Variants in CTNNB1 observed in about 807,000 individuals in gnomAD.
CTNNB1 encodes catenin beta-1.
In CTNNB1, 6 loss-of-function variants were observed where a neutral mutation model predicts 82.5. The observed-to-expected ratio is 0.07, with a 90% CI of 0.04 to 0.14. The LOEUF (loss-of-function observed/expected upper bound fraction) is 0.14, where lower values mean the gene tolerates loss of function less well. Among genes scored for constraint, CTNNB1 ranks in the 10% least tolerant of loss-of-function variants. The pLI, the probability that CTNNB1 is intolerant of heterozygous loss-of-function variation, is 1.00. For synonymous variants in CTNNB1, 312 were observed against 329.7 expected (o/e 0.95, Z 0.58); for missense variants, 529 against 980.4 (o/e 0.54, Z 6.15).
rs142479296 is a variant in CTNNB1, at chr3:41,206,424, C to CAT, written c.-49+6762_-49+6763dup. Among the ~76,000 whole-genome samples, 1,154 of 152,034 alleles carry CAT rather than the reference C, an allele frequency of 7.6e-3. 22 individuals carry two copies. The highest frequency in any genetic ancestry group is 0.026 in the African/African-American group (1,090 of 41,450). ...AAATAGATATATGCATATATATGTG[C>CAT]ATATATATAGCATACCTTATTGGAT... is the stretch of plus-strand genomic sequence containing the variant. On this transcript the variant is annotated intron_variant, in intron 1 of 14. Transcript: ENST00000349496.
At chr3:41,222,820 T>G (rs998098555) in intron 1 of CTNNB1, among the ~76,000 whole-genome samples, 1 of 152,198 alleles carries the variant, frequency 6.6e-6, no homozygotes, top group Non-Finnish European at 1.5e-5. Flanking sequence ...AGAAGCTCAG[T>G]GTAGAACATG....
At chr3:41,206,734 A>C (rs187878486) in intron 1 of CTNNB1, among the ~76,000 whole-genome samples, 7 of 152,108 alleles carry the variant, frequency 4.6e-5, no homozygotes, top group Non-Finnish European at 8.8e-5. Flanking sequence ...TGCCACATGT[A>C]TAAGGGAGGA....
At chr3:41,226,491 G>T (rs139415236) in intron 6 of CTNNB1, among the ~76,000 whole-genome samples, 1 of 152,332 alleles carries the variant, frequency 6.6e-6, no homozygotes, top group Non-Finnish European at 1.5e-5. Flanking sequence ...TTCACTAGGT[G>T]AAGGTTAGGT....
In CTNNB1 at chr3:41,239,380, G is replaced by T; in HGVS notation, c.*38G>T. ...GTAAGAAGTTTTAAAAAGCCAGTTTGGGTAAAATACTTTTACTCTGCCTAC... is the reference window on the plus strand; with the variant it reads ...GTAAGAAGTTTTAAAAAGCCAGTTTTGGTAAAATACTTTTACTCTGCCTAC... On this transcript the variant is annotated 3_prime_UTR_variant, in exon 15 of 15. Transcript: ENST00000349496. 1.3e-6 allele frequency: 2 copies of T among 1,574,220 alleles called. No homozygotes were observed. The highest frequency in any genetic ancestry group is 8.7e-7 in the Non-Finnish European group (1 of 1,150,876).
At chr3:41,210,724 T>TA (rs1319955071) in intron 1 of CTNNB1, among the ~76,000 whole-genome samples, 2 of 152,126 alleles carry the variant, frequency 1.3e-5, no homozygotes, top group East Asian at 3.9e-4. Context: ...AAAAGTATAG[T>TA]AAGTACATAA....
At position 41,233,682 on chromosome 3, in the gene CTNNB1, C is replaced by T. The variant is rs769363745; in HGVS notation, c.1339C>T (p.Leu447Phe). The change falls in exon 9 of 15, where the codon CTT (leucine) becomes TTT (phenylalanine). Residue 447 changes from leucine to phenylalanine, a missense_variant. Physicochemically the swap from Leu to Phe is conservative, Grantham distance 22. Around this residue, in one of 4 missense-constraint regions of CTNNB1, gnomAD observed 411 missense variants for 776.4 expected, o/e 0.53. Transcript: ENST00000349496. ...CTGCCAAGTGGGTGGTATAGAGGCT[C>T]TTGTGCGTACTGTCCTTCGGGCTGG... ...MVCQVGGIEA[L>F]VRTVLRAGDR... 3.1e-6 allele frequency: 5 copies of T among 1,613,984 alleles called. No homozygotes were observed. In the Admixed American group the frequency reaches 5.0e-5, roughly 16 times the overall value.
chr3:41,238,273 GC>G (rs2125651117), intron 14 of CTNNB1, 197 bp downstream of exon 14: 1 of 604,506 alleles, frequency 1.7e-6, no homozygotes, highest in South Asian at 1.9e-5. Context: ...ACAATGAGTA[GC>G]AGTAGGATTA....
At chr3:41,204,546 A>G (rs1477791448) in intron 1 of CTNNB1, among the ~76,000 whole-genome samples, 1 of 152,206 alleles carries the variant, frequency 6.6e-6, no homozygotes, top group Non-Finnish European at 1.5e-5. Flanking sequence ...GACCATGCAG[A>G]CTATTAAAAA....
intron 1 of CTNNB1, among the ~76,000 whole-genome samples, chr3:41,217,092 C>G (rs1223053598): frequency 2.0e-5 from 3 of 152,168 alleles, no homozygotes; most frequent in African/African-American, 7.2e-5. Flanking sequence ...TCATCTCTGT[C>G]TCTTCATGGT....
rs757325337 is a variant in CTNNB1, at chr3:41,224,571, C to T, written c.59C>T (p.Ala20Val). 2.5e-6 allele frequency: 4 copies of T among 1,613,702 alleles called. No individual in the cohort carries two copies. Among genetic ancestry groups the T allele is most frequent in the Admixed American group, 1.7e-5 (1 of 59,892 alleles). ...ATGGCCATGGAACCAGACAGAAAAG[C>T]GGCTGTTAGTCACTGGCAGCAACAG... ...LDMAMEPDRKAAVSHWQQQSY... is the reference protein window; with the variant it reads ...LDMAMEPDRKVAVSHWQQQSY... The change falls in exon 3 of 15, where the codon GCG becomes GTG. Residue 20 changes from alanine (A) to valine (V), a missense_variant. By Grantham distance (64) the Ala-to-Val change is moderately conservative. Transcript: ENST00000349496.
At chr3:41,223,370 G>A (rs2078097351) in intron 1 of CTNNB1, among the ~76,000 whole-genome samples, 1 of 151,964 alleles carries the variant, frequency 6.6e-6, no homozygotes, top group Non-Finnish European at 1.5e-5. Flanking sequence ...ATCCATATTG[G>A]TAATATTTGT....
Position 41,225,106 on chromosome 3 carries a change from C to T in CTNNB1, c.394C>T (p.Leu132=), listed in dbSNP as rs775491694. 1.3e-5 allele frequency: 21 copies of T among 1,614,054 alleles called. No homozygotes were observed. The highest frequency in any genetic ancestry group is 1.7e-5 in the Non-Finnish European group (20 of 1,179,980). The change falls in exon 4 of 15, where the codon CTG becomes TTG. Residue 132 remains leucine, a synonymous_variant. Transcript: ENST00000349496. The surrounding 1 kb of genome is among the most constrained non-coding windows in gnomAD (Gnocchi z 5.3). Reference sequence around the variant, plus strand: ...GCGTTTGGCTGAACCATCACAGATGCTGAAACATGCAGTTGTAAACTTGAT... The same window carrying T: ...GCGTTTGGCTGAACCATCACAGATGTTGAAACATGCAGTTGTAAACTTGAT... The part of the protein sequence containing the change: ...VQRLAEPSQM[L]KHAVVNLINY...
At chr3:41,236,768 GTTCTTTCCTCTCAAAACACTTAGTACACA>G (rs1355994594) in intron 13 of CTNNB1, 59 bp downstream of exon 13, 1 of 1,609,156 alleles carries the variant, frequency 6.2e-7, no homozygotes, top group East Asian at 2.2e-5. Context: ...ATGGCAGCTT[GTTCTTTCCTCTCAAAACACTTAGTACACA>G]TTCATTTGCA....
intron 1 of CTNNB1, chr3:41,199,924 C>A (rs1191616086): frequency 2.3e-5 from 2 of 87,886 alleles, no homozygotes; most frequent in African/African-American, 9.0e-5. Context: ...GAGGGGGCGC[C>A]GCGGGGGCGC....
chr3:41,238,123 C>G (rs770519393), intron 14 of CTNNB1, 47 bp downstream of exon 14: 6 of 1,548,822 alleles, frequency 3.9e-6, no homozygotes, highest in South Asian at 1.1e-5. Flanking sequence ...AGCTAAAGTT[C>G]TAAAACTTTT....
At chr3:41,228,106 TTATC>T (rs1201521530) in intron 7 of CTNNB1, among the ~76,000 whole-genome samples, 2 of 152,246 alleles carry the variant, frequency 1.3e-5, no homozygotes, top group East Asian at 1.9e-4. Context: ...CACATTTTCT[TTATC>T]TAGTCTACCA....
In CTNNB1 at chr3:41,239,913, C is replaced by G; in HGVS notation, c.*571C>G. 5.8e-6 allele frequency: 1 copy of G among 171,866 alleles called. No individual in the cohort carries two copies. Among genetic ancestry groups the G allele is most frequent in the Non-Finnish European group, 1.1e-5 (1 of 91,184 alleles). 10.6% of individuals were successfully genotyped at this position (171,866 alleles called of 1,614,324 possible). On this transcript the variant is annotated 3_prime_UTR_variant, in exon 15 of 15. Coordinates refer to ENST00000349496, the MANE Select transcript of CTNNB1 (RefSeq NM_001904.4). ...TGGAATTTATCAAACCCTAGCCTTG[C>G]TTGTTAAATTTTTTTTTTTTTTTTT... is the stretch of plus-strand genomic sequence containing the variant.
intron 1 of CTNNB1, among the ~76,000 whole-genome samples, chr3:41,207,295 T>A (rs949647015): frequency 2.0e-5 from 3 of 152,224 alleles, no homozygotes; most frequent in Admixed American, 6.5e-5. Flanking sequence ...AATTAAAATT[T>A]GATTTTTTAG....
chr3:41,224,783 G>A (rs2125618627), intron 3 of CTNNB1, 30 bp downstream of exon 3: 1 of 1,604,324 alleles, frequency 6.2e-7, no homozygotes, highest in South Asian at 1.1e-5. Context: ...TTGCCTTACT[G>A]AAAGTCAGAA....
Sources: gnomAD v4.1 joint callset for allele counts (sites outside exome capture counted in the v4.1 genomes callset) on GRCh38, gnomAD v4.1.1 for gene constraint, gnomAD v4.1.1 regional missense constraint, Gnocchi (gnomAD v3.1) non-coding constraint, MANE v1.5 for transcripts, NCBI Gene and HGNC (gene_info 2026-07-23, HGNC 2026-07-21) for gene names.